The following GRID2 variants were observed in gnomAD, a reference collection of about 807,000 sequenced individuals.
GRID2 encodes glutamate ionotropic receptor delta type subunit 2, also known as glutamate receptor ionotropic, delta-2.
Under a neutral mutation model 114.8 loss-of-function variants are expected in GRID2, and 33 were observed. That is an observed-to-expected ratio of 0.29 (90% CI 0.22 to 0.38). GRID2 has a LOEUF of 0.38. Ranked by LOEUF, GRID2 falls within the 10% of genes least tolerant of loss-of-function variation. The probability of loss-of-function intolerance (pLI) is 1.00; values close to 1 mark genes in which losing one functional copy is unlikely to be tolerated. For missense variants in GRID2, 1,184 were observed against 1,257.7 expected (o/e 0.94, Z 0.89); for synonymous variants, 505 against 449.9 (o/e 1.12, Z -1.55).
At chr4:93,504,545 G>A (rs556465149) in intron 12 of GRID2, among the ~76,000 whole-genome samples, 15 of 152,094 alleles carry the variant, frequency 9.9e-5, no homozygotes, top group African/African-American at 3.6e-4. Context: ...TTAGAAGTAC[G>A]ATGAAGTTTA....
At chr4:92,921,635 A>G (rs933449281) in intron 2 of GRID2, among the ~76,000 whole-genome samples, 2 of 152,160 alleles carry the variant, frequency 1.3e-5, no homozygotes, top group African/African-American at 4.8e-5. Context: ...TTACCTGAGT[A>G]TCAGCAATGG....
intron 14 of GRID2, among the ~76,000 whole-genome samples, chr4:93,682,822 C>G (rs1311478970): frequency 6.6e-6 from 1 of 151,224 alleles, no homozygotes; most frequent in Admixed American, 6.6e-5. Context: ...AGGAGATATA[C>G]CTAATGCTAA....
chr4:93,410,791 C>A (rs192438114), intron 9 of GRID2, among the ~76,000 whole-genome samples: 1 of 152,316 alleles, frequency 6.6e-6, no homozygotes. Flanking sequence ...CCATGTTGGT[C>A]AGGCTGATCT....
At chr4:93,709,357 A>G (rs1490611917) in intron 14 of GRID2, among the ~76,000 whole-genome samples, 2 of 152,204 alleles carry the variant, frequency 1.3e-5, no homozygotes, top group Non-Finnish European at 2.9e-5. Flanking sequence ...TATGGGATAT[A>G]CCATTCTAGG....
intron 2 of GRID2, among the ~76,000 whole-genome samples, chr4:92,838,605 G>C (rs1742645532): frequency 6.6e-6 from 1 of 152,016 alleles, no homozygotes; most frequent in Admixed American, 6.6e-5. Context: ...GGCTGAACAA[G>C]CTTGCATGTA....
At chr4:92,606,800 C>T (rs1729473494) in intron 2 of GRID2, among the ~76,000 whole-genome samples, 1 of 151,988 alleles carries the variant, frequency 6.6e-6, no homozygotes, top group Admixed American at 6.6e-5. Context: ...CATTATTTAA[C>T]TCATATTTGT....
chr4:92,807,765 A>T (rs1282856852), intron 2 of GRID2, among the ~76,000 whole-genome samples: 4 of 151,956 alleles, frequency 2.6e-5, no homozygotes. Flanking sequence ...GTTCTCTTTT[A>T]GACATAGTTT....
At chr4:92,687,361 A>G (rs1393608804) in intron 2 of GRID2, among the ~76,000 whole-genome samples, 1 of 152,080 alleles carries the variant, frequency 6.6e-6, no homozygotes, top group Non-Finnish European at 1.5e-5. Context: ...TATAGATTGG[A>G]AATATTGAAG....
intron 2 of GRID2, among the ~76,000 whole-genome samples, chr4:93,018,336 C>T (rs895787304): frequency 1.3e-5 from 2 of 151,812 alleles, no homozygotes; most frequent in Non-Finnish European, 1.5e-5. Flanking sequence ...TTAGTTTTCA[C>T]CATAACAGTG....
rs545716351 is a variant in GRID2, at chr4:93,696,015, G to A, written c.2360+69580G>A. Among the ~76,000 whole-genome samples, 7 of 152,264 alleles carry A rather than the reference G, an allele frequency of 4.6e-5. No homozygotes were observed. The East Asian group carries it at 1.4e-3, about 29-fold the overall frequency. On this transcript the variant is annotated intron_variant, in intron 14 of 15. Transcript: ENST00000282020. ...ACCACACTATAACTTCACAAAGAAC[G>A]TATTTACACACTGCTTAAGATGGAT... is the stretch of plus-strand genomic sequence containing the variant.
intron 13 of GRID2, among the ~76,000 whole-genome samples, chr4:93,537,691 G>A (rs1309878015): frequency 6.6e-6 from 1 of 151,776 alleles, no homozygotes; most frequent in Admixed American, 6.6e-5. Context: ...GATGCTTTCT[G>A]TCAACATTAC....
At chr4:93,792,132 A>C (rs1474015295) in intron 1 of GRID2, among the ~76,000 whole-genome samples, 1 of 152,180 alleles carries the variant, frequency 6.6e-6, no homozygotes, top group Non-Finnish European at 1.5e-5. Flanking sequence ...TTATTTTCAT[A>C]TATTCATAAT....
At chr4:93,711,640 A>C (rs1728486664) in intron 14 of GRID2, among the ~76,000 whole-genome samples, 2 of 152,054 alleles carry the variant, frequency 1.3e-5, no homozygotes, top group Admixed American at 1.3e-4. Context: ...CGCCAGCTGA[A>C]TTCTGCCCCA....
intron 1 of GRID2, among the ~76,000 whole-genome samples, chr4:92,558,732 A>G (rs539281616): frequency 6.6e-6 from 1 of 152,180 alleles, no homozygotes. Flanking sequence ...CCACTAGATC[A>G]TGCTTCGCAA....
At chr4:93,772,008 A>C (rs1200229192) in intron 15 of GRID2, 68 bp from the exon 16 acceptor site, 1 of 865,424 alleles carries the variant, frequency 1.2e-6, no homozygotes, top group South Asian at 1.6e-5. Flanking sequence ...TTGCTGAACT[A>C]CTTTTTTTTT....
intron 2 of GRID2, among the ~76,000 whole-genome samples, chr4:92,655,635 C>T (rs1181800441): frequency 6.6e-6 from 1 of 151,230 alleles, no homozygotes; most frequent in Admixed American, 6.6e-5. Context: ...TTTTTGTAGC[C>T]ACTCTAAATG....
chr4:92,737,223 A>G (rs1250476023), intron 2 of GRID2, among the ~76,000 whole-genome samples: 1 of 152,106 alleles, frequency 6.6e-6, no homozygotes, highest in Non-Finnish European at 1.5e-5. Context: ...TCTCAAGATT[A>G]AAATAATTCA....
intron 2 of GRID2, among the ~76,000 whole-genome samples, chr4:92,675,591 C>T (rs6853821): frequency 2.7e-5 from 4 of 149,474 alleles, no homozygotes; most frequent in African/African-American, 9.9e-5. Flanking sequence ...TGCTCTGTCA[C>T]CCAGGCTGGA....
At chr4:92,347,444 G>A (rs1727825404) in intron 1 of GRID2, among the ~76,000 whole-genome samples, 2 of 152,226 alleles carry the variant, frequency 1.3e-5, no homozygotes, top group African/African-American at 4.8e-5. Flanking sequence ...AATATTTTGA[G>A]GATGAGCCTA....
Sources: allele counts gnomAD v4.1 joint callset (sites outside exome capture counted in the v4.1 genomes callset), GRCh38; gene constraint gnomAD v4.1.1; transcripts MANE v1.5; gene names NCBI Gene and HGNC (gene_info 2026-07-23, HGNC 2026-07-21).